Variants in STARD13 observed in about 807,000 individuals in gnomAD.
The protein encoded by STARD13 is stAR-related lipid transfer protein 13.
In STARD13, 62 loss-of-function variants were observed where a neutral mutation model predicts 106.4. The observed-to-expected ratio is 0.58, with a 90% CI of 0.48 to 0.72. The LOEUF (loss-of-function observed/expected upper bound fraction) is 0.72. Among genes scored for constraint, STARD13 ranks in the 30% least tolerant of loss-of-function variants. STARD13 has a pLI of 0.00. For missense variants in STARD13, 1,387 were observed against 1,424.0 expected (o/e 0.97, Z 0.42); for synonymous variants, 565 against 553.0 (o/e 1.02, Z -0.31).
chr13:33,454,471 C>T, the STARD13 span, among the ~76,000 whole-genome samples: 1 of 152,200 alleles, frequency 6.6e-6, no homozygotes. Flanking sequence ...TATTCATCCA[C>T]TATTTTAGTT....
chr13:33,290,693 G>A (rs1325671423), upstream of STARD13, among the ~76,000 whole-genome samples: 2 of 152,226 alleles, frequency 1.3e-5, no homozygotes, highest in African/African-American at 4.8e-5. Flanking sequence ...CCAGGAGCAT[G>A]TGCTCTCCCG....
intron 1 of STARD13, among the ~76,000 whole-genome samples, chr13:33,189,628 C>G (rs1209904254): frequency 1.3e-5 from 2 of 151,850 alleles, no homozygotes; most frequent in African/African-American, 2.4e-5. Flanking sequence ...GTTTGTGTGC[C>G]CTTCCTGTTC....
At chr13:33,228,767 T>C (rs1888751873) in intron 1 of STARD13, among the ~76,000 whole-genome samples, 1 of 152,214 alleles carries the variant, frequency 6.6e-6, no homozygotes, top group South Asian at 2.1e-4. Context: ...GAAGAGCTTT[T>C]TTCCCCCATC....
chr13:33,176,571 G>T (rs1251535823), intron 1 of STARD13, among the ~76,000 whole-genome samples: 1 of 152,116 alleles, frequency 6.6e-6, no homozygotes, highest in Non-Finnish European at 1.5e-5. Context: ...TTTGCAGTTT[G>T]TTAATAGATA....
the STARD13 span, among the ~76,000 whole-genome samples, chr13:33,456,338 AG>A: frequency 6.6e-6 from 1 of 151,996 alleles, no homozygotes; most frequent in Non-Finnish European, 1.5e-5. Context: ...TACAGGCGTG[AG>A]CCACCATGCC....
the STARD13 span, among the ~76,000 whole-genome samples, chr13:33,593,728 T>C: frequency 2.6e-5 from 4 of 152,102 alleles, no homozygotes; most frequent in Non-Finnish European, 4.4e-5. Context: ...CCCTCCCAAA[T>C]TGCTGCATCC....
the STARD13 span, among the ~76,000 whole-genome samples, chr13:33,455,884 C>G: frequency 6.6e-6 from 1 of 152,148 alleles, no homozygotes; most frequent in South Asian, 2.1e-4. Flanking sequence ...GCAGAGGTTG[C>G]AGTGAGCCAA....
At chr13:33,296,004 G>A (rs1234926207) in intron 1 of STARD13, among the ~76,000 whole-genome samples, 8 of 151,876 alleles carry the variant, frequency 5.3e-5, no homozygotes, top group African/African-American at 1.9e-4. Flanking sequence ...CTGAGGTCAG[G>A]TAGGTCAGGA....
chr13:33,180,193 G>A (rs1407905329), intron 1 of STARD13, among the ~76,000 whole-genome samples: 1 of 152,194 alleles, frequency 6.6e-6, no homozygotes, highest in African/African-American at 2.4e-5. Context: ...TGACACTTTG[G>A]ATATGTGACA....
the STARD13 span, among the ~76,000 whole-genome samples, chr13:33,379,791 C>A: frequency 6.4e-3 from 979 of 152,332 alleles, 9 homozygotes; most frequent in African/African-American, 0.022. Context: ...GCATTCTGAT[C>A]CCAGGGTTCA....
At chr13:33,126,060 G>T (rs1877111532) in intron 7 of STARD13, 21 bp downstream of exon 7, 2 of 1,611,430 alleles carry the variant, frequency 1.2e-6, no homozygotes, top group Admixed American at 1.7e-5. Context: ...TGGGGCAGCA[G>T]CGGGGGGGTT....
the STARD13 span, among the ~76,000 whole-genome samples, chr13:33,579,347 C>T: frequency 6.6e-6 from 1 of 151,940 alleles, no homozygotes; most frequent in Non-Finnish European, 1.5e-5. Flanking sequence ...TTTGTAGCAA[C>T]TCGGATGGAG....
chr13:33,177,809 G>GA (rs1475871339), intron 1 of STARD13, among the ~76,000 whole-genome samples: 1 of 16,476 alleles, frequency 6.1e-5, no homozygotes, highest in African/African-American at 4.7e-4. Flanking sequence ...GGAAAGGAAG[G>GA]AAGGAAGGAA....
chr13:33,634,986 CTTCTTTGGAGATA>C, the STARD13 span, among the ~76,000 whole-genome samples: 16 of 152,190 alleles, frequency 1.1e-4, no homozygotes, highest in Non-Finnish European at 2.4e-4. Flanking sequence ...TGCACCAGCT[CTTCTTTGGAGATA>C]CTACCAAAGG....
At chr13:33,250,282 G>A (rs1189100440) in intron 1 of STARD13, among the ~76,000 whole-genome samples, 1 of 152,182 alleles carries the variant, frequency 6.6e-6, no homozygotes, top group South Asian at 2.1e-4. Context: ...TCTCCTCCTA[G>A]TTCATATCTA....
rs1313652732 is a variant in STARD13 at position 33,177,801 on chromosome 13, AAAGG to A, written c.170-10183_170-10180del. Among the ~76,000 whole-genome samples the A allele has an allele frequency of 6.8e-3, 52 of 7,698 alleles. 1 individual carries two copies. Among genetic ancestry groups the A allele is most frequent in the East Asian group, 0.038 (6 of 158 alleles). The allele number at this position is 7,698 out of a possible 152,430, so 5.1% of individuals were successfully genotyped here. On this transcript the variant is annotated intron_variant, in intron 1 of 13. Transcript: ENST00000336934. Reference sequence around the variant, plus strand: ...GAAGGAAGGAAGGAAGGAAGGAAGGAAAGGAAGGAAGGAAGGAAGGAAGGAAGGA... The same window carrying A: ...GAAGGAAGGAAGGAAGGAAGGAAGGAAAGGAAGGAAGGAAGGAAGGAAGGA...
At chr13:33,146,510 T>G (rs1030512734) in intron 3 of STARD13, among the ~76,000 whole-genome samples, 1 of 152,182 alleles carries the variant, frequency 6.6e-6, no homozygotes, top group Admixed American at 6.5e-5. Context: ...TATGTCACGA[T>G]TGTGGTGATA....
At chr13:33,463,408 T>C in the STARD13 span, among the ~76,000 whole-genome samples, 3 of 152,176 alleles carry the variant, frequency 2.0e-5, no homozygotes, top group Non-Finnish European at 4.4e-5. Context: ...GTTGTTACCA[T>C]GGAAAGGGTC....
the STARD13 span, among the ~76,000 whole-genome samples, chr13:33,634,237 T>C: frequency 6.6e-6 from 1 of 152,224 alleles, no homozygotes; most frequent in Admixed American, 6.5e-5. Flanking sequence ...TCATAGCATC[T>C]GAAAGCTTTT....
Sources: allele counts gnomAD v4.1 joint callset (sites outside exome capture counted in the v4.1 genomes callset), GRCh38; gene constraint gnomAD v4.1.1; transcripts MANE v1.5; gene names NCBI Gene and HGNC (gene_info 2026-07-23, HGNC 2026-07-21).